The following CBX8 variants were observed in gnomAD, a reference collection of about 807,000 sequenced individuals.
The protein encoded by CBX8 is chromobox protein homolog 8.
In CBX8, 8 loss-of-function variants were observed where a neutral mutation model predicts 39.7. That is an observed-to-expected ratio of 0.20 (90% CI 0.12 to 0.36). CBX8 has a LOEUF of 0.36. Among genes scored for constraint, CBX8 ranks in the 10% least tolerant of loss-of-function variants. The pLI, the probability that CBX8 is intolerant of heterozygous loss-of-function variation, is 1.00. For missense variants in CBX8, 505 were observed against 529.6 expected (o/e 0.95, Z 0.46); for synonymous variants, 268 against 219.8 (o/e 1.22, Z -1.94).
In CBX8 at chr17:79,792,883, C is replaced by A. The variant is rs1483850193; in HGVS notation, c.*1752G>T. 6.7e-6 allele frequency: 1 copy of A among 150,256 alleles called. No homozygotes were observed. Among genetic ancestry groups the A allele is most frequent in the Non-Finnish European group, 1.5e-5 (1 of 67,412 alleles). The allele number at this position is 150,256 out of a possible 1,614,324, so 9.3% of individuals were successfully genotyped here. On this transcript the variant is annotated 3_prime_UTR_variant, in exon 5 of 5. Transcript: ENST00000269385. ...TGGGGTTCCCTCCCAGCACCCCCCACCCCACGCGAAGCTCCCCCACCCCCG... is the reference window on the plus strand; with the variant it reads ...TGGGGTTCCCTCCCAGCACCCCCCAACCCACGCGAAGCTCCCCCACCCCCG...
chr17:79,795,937 C>G lies in CBX8; in HGVS notation c.246+120G>C. The G allele has an allele frequency of 1.1e-6, 1 of 881,872 alleles. No individual in the cohort carries two copies. Among genetic ancestry groups the G allele is most frequent in the Non-Finnish European group, 1.8e-6 (1 of 542,864 alleles). 54.6% of individuals were successfully genotyped at this position (881,872 alleles called of 1,614,324 possible). A position where few individuals can be genotyped will look rare whatever the true frequency, so the allele number is the denominator to read the frequency against. ...TTGGTGACATCTTGTCAGGGAACTCCCTCCTACATTACAAATAGGCAACAT... is the reference window on the plus strand; with the variant it reads ...TTGGTGACATCTTGTCAGGGAACTCGCTCCTACATTACAAATAGGCAACAT... On this transcript the variant is annotated intron_variant, in intron 4 of 4. Coordinates refer to ENST00000269385, the MANE Select transcript of CBX8 (RefSeq NM_020649.3). The surrounding 1 kb of genome is among the most constrained non-coding windows in gnomAD (Gnocchi z 5.8).
In CBX8 at chr17:79,796,919, G is replaced by A. The variant is rs1283884320; in HGVS notation, c.69+11C>T. The A allele has an allele frequency of 6.2e-7, 1 of 1,602,504 alleles. No homozygotes were observed. Among genetic ancestry groups the A allele is most frequent in the African/African-American group, 1.3e-5 (1 of 74,222 alleles). On this transcript the variant is annotated intron_variant, in intron 1 of 4. Coordinates refer to ENST00000269385, the MANE Select transcript of CBX8 (RefSeq NM_020649.3). ...CGGCCGCACGGAGGCCCTAGGCCCG[G>A]GGGCACCTACTTTCCGTATGCGCCG...
chr17:79,794,987 C>T lies in CBX8; in HGVS notation c.818G>A (p.Gly273Asp). ...VTSPSSAEAT[G>D]KLAVDTFPAR... ...CGGGAAGGTGTCCACAGCCAGTTTGCCCGTGGCCTCAGCTGAGCTAGGGCT... is the reference window on the plus strand; with the variant it reads ...CGGGAAGGTGTCCACAGCCAGTTTGTCCGTGGCCTCAGCTGAGCTAGGGCT... The change falls in exon 5 of 5, where the codon GGC becomes GAC. Residue 273 changes from glycine to aspartate, a missense_variant. Gly to Asp is a moderately conservative substitution (Grantham distance 94). This residue lies in a region of CBX8 where 456 missense variants were observed against 389.2 expected (regional missense o/e 1.17). Coordinates refer to ENST00000269385, the MANE Select transcript of CBX8 (RefSeq NM_020649.3). 6.2e-7 allele frequency: 1 copy of T among 1,604,792 alleles called. No individual in the cohort carries two copies. Among genetic ancestry groups the T allele is most frequent in the Admixed American group, 1.7e-5 (1 of 59,006 alleles).
In CBX8 at chr17:79,795,244, G is replaced by C; in HGVS notation, c.561C>G (p.Asp187Glu). The change falls in exon 5 of 5, where the codon GAC (aspartate) becomes GAG (glutamate). Residue 187 changes from aspartate to glutamate, a missense_variant. Coordinates refer to ENST00000269385, the MANE Select transcript of CBX8 (RefSeq NM_020649.3). The surrounding 1 kb of genome is among the most constrained non-coding windows in gnomAD (Gnocchi z 5.8). ...ERERGTSRVD[D>E]KPSSPGDSSK... is the part of the protein sequence containing the mutation. ...AGCTGTCCCCCGGTGAGCTGGGCTT[G>C]TCATCCACTCTGCTGGTACCCCGCT... 6.2e-7 allele frequency: 1 copy of C among 1,612,566 alleles called. No homozygotes were observed. The highest frequency in any genetic ancestry group is 8.5e-7 in the Non-Finnish European group (1 of 1,179,484).
Position 79,793,186 on chromosome 17 carries a change from G to A in CBX8, c.*1449C>T, listed in dbSNP as rs866942330. On this transcript the variant is annotated 3_prime_UTR_variant, in exon 5 of 5. Coordinates refer to ENST00000269385, the MANE Select transcript of CBX8 (RefSeq NM_020649.3). ...CGTCCCAGGCCCCGCCGCCTCGCAC[G>A]GCCTTCCCCGCCGCGGCCGTCCCCA... 9 of 151,768 alleles carry A rather than the reference G, an allele frequency of 5.9e-5. No homozygotes were observed. Among genetic ancestry groups the A allele is most frequent in the Admixed American group, 5.2e-4 (8 of 15,254 alleles). 9.4% of individuals were successfully genotyped at this position (151,768 alleles called of 1,614,324 possible).
Position 79,795,167 on chromosome 17 carries a change from C to G in CBX8, c.638G>C (p.Arg213Thr). 1 of 1,613,738 alleles carries G rather than the reference C, an allele frequency of 6.2e-7. No individual in the cohort carries two copies. The highest frequency in any genetic ancestry group is 8.5e-7 in the Non-Finnish European group (1 of 1,179,944). The change falls in exon 5 of 5, where the codon AGG becomes ACG. Residue 213 changes from arginine to threonine, a missense_variant. Physicochemically the swap from Arg to Thr is moderately conservative, Grantham distance 71. Transcript: ENST00000269385. This position sits in a 1 kb window ranked among gnomAD's most constrained non-coding sequence, Gnocchi z 5.8. ...GCCGGCGCTGGGTTCGCCTAAGGGCCTCTGTGAGGGGTCCGGGAGCTCCTT... is the reference window on the plus strand; with the variant it reads ...GCCGGCGCTGGGTTCGCCTAAGGGCGTCTGTGAGGGGTCCGGGAGCTCCTT... Reference protein sequence around the residue: ...PRKELPDPSQRPLGEPSAGLG... With the variant: ...PRKELPDPSQTPLGEPSAGLG...
rs1220319174 is a variant in CBX8, at chr17:79,797,003, A to C, written c.-5T>G. ...CCCCACCGCTGAAAGCTCCATGTTG[A>C]CTCGCCGCTTCCCCCCTTGGCCGCT... On this transcript the variant is annotated 5_prime_UTR_variant, in exon 1 of 5. Coordinates refer to ENST00000269385, the MANE Select transcript of CBX8 (RefSeq NM_020649.3). 1 of 1,607,318 alleles carries C rather than the reference A, an allele frequency of 6.2e-7. No homozygotes were observed. Among genetic ancestry groups the C allele is most frequent in the Non-Finnish European group, 8.5e-7 (1 of 1,177,696 alleles).
Position 79,795,218 on chromosome 17 carries a change from G to A in CBX8, c.587C>T (p.Ser196Leu), listed in dbSNP as rs758300215. The A allele has an allele frequency of 5.6e-6, 9 of 1,613,044 alleles. No homozygotes were observed. The Admixed American group carries it at 6.7e-5, about 12-fold the overall frequency. ...CCGGGGCTTGGGGCCTCGCTTCTTCGAGCTGTCCCCCGGTGAGCTGGGCTT... is the reference window on the plus strand; with the variant it reads ...CCGGGGCTTGGGGCCTCGCTTCTTCAAGCTGTCCCCCGGTGAGCTGGGCTT... ...DDKPSSPGDS[S>L]KKRGPKPRKE... The change falls in exon 5 of 5, where the codon TCG becomes TTG. Residue 196 changes from serine (S) to leucine (L), a missense_variant. By Grantham distance (145) the Ser-to-Leu change is moderately radical (BLOSUM62 -2). This residue lies in a region of CBX8 where 456 missense variants were observed against 389.2 expected (regional missense o/e 1.17). Coordinates refer to ENST00000269385, the MANE Select transcript of CBX8 (RefSeq NM_020649.3). The surrounding 1 kb of genome is among the most constrained non-coding windows in gnomAD (Gnocchi z 5.8).
rs1386445481 is a variant in CBX8, at chr17:79,794,238, C to G, written c.*397G>C. 6.5e-6 allele frequency: 1 copy of G among 152,984 alleles called. No homozygotes were observed. The highest frequency in any genetic ancestry group is 6.5e-5 in the Admixed American group (1 of 15,362). 9.5% of individuals were successfully genotyped at this position (152,984 alleles called of 1,614,324 possible). On this transcript the variant is annotated 3_prime_UTR_variant, in exon 5 of 5. Coordinates refer to ENST00000269385, the MANE Select transcript of CBX8 (RefSeq NM_020649.3). ...GGGGTGAGGTGGGCAGGCCAAGCCCCTCCAGACACTCTCAGAAACCTGTAC... is the reference window on the plus strand; with the variant it reads ...GGGGTGAGGTGGGCAGGCCAAGCCCGTCCAGACACTCTCAGAAACCTGTAC...
rs1173734563 is a variant in CBX8, at chr17:79,792,751, C to CA, written c.*1883dup. On this transcript the variant is annotated 3_prime_UTR_variant, in exon 5 of 5. Transcript: ENST00000269385. ...CTCTTTATAGGCGCAATTTGATATT[C>CA]AAAAACAAACACAATCATGTAGTAC... The CA allele has an allele frequency of 1.3e-5, 2 of 152,212 alleles. No individual in the cohort carries two copies. The highest frequency in any genetic ancestry group is 2.9e-5 in the Non-Finnish European group (2 of 68,048). The allele number at this position is 152,212 out of a possible 1,614,324, so 9.4% of individuals were successfully genotyped here.
chr17:79,794,308 C>T lies in CBX8; in HGVS notation c.*327G>A, dbSNP rs1210207305. Reference sequence around the variant, plus strand: ...GAGCTCTGGGGCAAGGGGGCCCCTCCTGCCCCAGCTCATTCGGGCTGCCCC... The same window carrying T: ...GAGCTCTGGGGCAAGGGGGCCCCTCTTGCCCCAGCTCATTCGGGCTGCCCC... On this transcript the variant is annotated 3_prime_UTR_variant, in exon 5 of 5. Transcript: ENST00000269385. 2 of 157,822 alleles carry T rather than the reference C, an allele frequency of 1.3e-5. No homozygotes were observed. The highest frequency in any genetic ancestry group is 4.8e-5 in the African/African-American group (2 of 41,546). The allele number at this position is 157,822 out of a possible 1,614,324, so 9.8% of individuals were successfully genotyped here.
intron 1 of CBX8, 32 bp downstream of exon 1, chr17:79,796,890 GGCCCGGCC>G: frequency 1.3e-6 from 2 of 1,556,062 alleles, no homozygotes; most frequent in South Asian, 2.3e-5. Flanking sequence ...GGGAGGGGAG[GGCCCGGCC>G]GCACGGAGGC....
rs899259125 is a variant in CBX8 at position 79,795,142 on chromosome 17, G to A, written c.663C>T (p.Gly221=). The change falls in exon 5 of 5, where the codon GGC becomes GGT. Residue 221 remains glycine, a synonymous_variant. Coordinates refer to ENST00000269385, the MANE Select transcript of CBX8 (RefSeq NM_020649.3). The surrounding 1 kb of genome is among the most constrained non-coding windows in gnomAD (Gnocchi z 5.8). ...SQRPLGEPSA[G]LGEYLKGRKL... Reference sequence around the variant, plus strand: ...TCCTGCCCTTGAGGTACTCTCCGAGGCCGGCGCTGGGTTCGCCTAAGGGCC... The same window carrying A: ...TCCTGCCCTTGAGGTACTCTCCGAGACCGGCGCTGGGTTCGCCTAAGGGCC... The A allele has an allele frequency of 1.9e-6, 3 of 1,613,576 alleles. No homozygotes were observed. Among genetic ancestry groups the A allele is most frequent in the African/African-American group, 2.7e-5 (2 of 74,936 alleles).
At chr17:79,796,399 A>G in intron 2 of CBX8, 84 bp from the exon 3 acceptor site, 4 of 1,586,148 alleles carry the variant, frequency 2.5e-6, no homozygotes, top group African/African-American at 1.3e-5. Context: ...AACTTTTCTC[A>G]TTGCATTGTA....
Position 79,794,037 on chromosome 17 carries a change from CTTT to C in CBX8, c.*595_*597del, listed in dbSNP as rs1907972543. 1.3e-5 allele frequency: 2 copies of C among 151,298 alleles called. No homozygotes were observed. The highest frequency in any genetic ancestry group is 2.1e-4 in the South Asian group (1 of 4,814). 9.4% of individuals were successfully genotyped at this position (151,298 alleles called of 1,614,324 possible). A position where few individuals can be genotyped will look rare whatever the true frequency, so the allele number is the denominator to read the frequency against. ...TAATACTTTTTTCCCTAATAGACTT[CTTT>C]ACCTTAAAAAAAAAAAAATAGAAAA... is the stretch of plus-strand genomic sequence containing the variant. On this transcript the variant is annotated 3_prime_UTR_variant, in exon 5 of 5. Coordinates refer to ENST00000269385, the MANE Select transcript of CBX8 (RefSeq NM_020649.3).
Position 79,795,439 on chromosome 17 carries a change from C to T in CBX8, c.366G>A (p.Glu122=), listed in dbSNP as rs1220933623. Residue 122 remains glutamate, a synonymous_variant, in exon 5 of 5, where the codon GAG becomes GAA. Transcript: ENST00000269385. This position sits in a 1 kb window ranked among gnomAD's most constrained non-coding sequence, Gnocchi z 5.8. The part of the protein sequence containing the change: ...QDLASTSRAR[E]GLRNMGLSPP... ...GGGACAAACCCATGTTTCGAAGGCC[C>T]TCCCGGGCCCGGGAAGTGGAGGCCA... 1.9e-6 allele frequency: 3 copies of T among 1,606,098 alleles called. No homozygotes were observed. Among genetic ancestry groups the T allele is most frequent in the East Asian group, 4.5e-5 (2 of 44,702 alleles).
At chr17:79,796,179 C>G in intron 3 of CBX8, 56 bp from the exon 4 acceptor site, 1 of 1,612,034 alleles carries the variant, frequency 6.2e-7, no homozygotes, top group Admixed American at 1.7e-5. Flanking sequence ...AAGTGGGACT[C>G]TAGTCCAGGC....
chr17:79,797,000 T>C lies in CBX8; in HGVS notation c.-2A>G, dbSNP rs1405651743. On this transcript the variant is annotated 5_prime_UTR_variant, in exon 1 of 5. Transcript: ENST00000269385. ...CTCCCCCACCGCTGAAAGCTCCATGTTGACTCGCCGCTTCCCCCCTTGGCC... is the reference window on the plus strand; with the variant it reads ...CTCCCCCACCGCTGAAAGCTCCATGCTGACTCGCCGCTTCCCCCCTTGGCC... 1.2e-6 allele frequency: 2 copies of C among 1,609,272 alleles called. No homozygotes were observed. Among genetic ancestry groups the C allele is most frequent in the South Asian group, 1.1e-5 (1 of 90,236 alleles).
chr17:79,794,627 C>A lies in CBX8; in HGVS notation c.*8G>T, dbSNP rs373611099. The A allele has an allele frequency of 4.5e-6, 7 of 1,548,530 alleles. No homozygotes were observed. The highest frequency in any genetic ancestry group is 6.1e-6 in the Non-Finnish European group (7 of 1,150,758). Reference sequence around the variant, plus strand: ...CCTGCTCTCCTCCTGGACACACCCACCCAGCATTCATCTTTTCTCTTTAAA... The same window carrying A: ...CCTGCTCTCCTCCTGGACACACCCAACCAGCATTCATCTTTTCTCTTTAAA... On this transcript the variant is annotated 3_prime_UTR_variant, in exon 5 of 5. Coordinates refer to ENST00000269385, the MANE Select transcript of CBX8 (RefSeq NM_020649.3).
Sources: gnomAD v4.1 joint callset for allele counts on GRCh38, gnomAD v4.1.1 for gene constraint, gnomAD v4.1.1 regional missense constraint, Gnocchi (gnomAD v3.1) non-coding constraint, MANE v1.5 for transcripts, NCBI Gene and HGNC (gene_info 2026-07-23, HGNC 2026-07-21) for gene names.